The following HRH1 variants were observed in gnomAD, a reference collection of about 807,000 sequenced individuals.
The protein encoded by HRH1 is histamine H1 receptor.
A neutral mutation model predicts 10.3 loss-of-function variants in HRH1; 6 were observed. That is an observed-to-expected ratio of 0.58 (90% CI 0.32 to 1.15). The LOEUF is 1.15. HRH1 is among the 50% of genes most tolerant of loss of function. The probability of loss-of-function intolerance (pLI) is 0.05; values close to 1 mark genes in which losing one functional copy is unlikely to be tolerated. For missense variants in HRH1, 514 were observed against 615.3 expected (o/e 0.84, Z 1.74); for synonymous variants, 242 against 236.7 (o/e 1.02, Z -0.21).
intron 1 of HRH1, among the ~76,000 whole-genome samples, chr3:11,155,270 G>A (rs1936760438): frequency 1.3e-5 from 2 of 152,166 alleles, no homozygotes; most frequent in African/African-American, 4.8e-5. Flanking sequence ...TACCGAGAGA[G>A]GAGGATGCTT....
At chr3:11,227,298 T>A (rs1184137797) in intron 1 of HRH1, among the ~76,000 whole-genome samples, 1 of 151,838 alleles carries the variant, frequency 6.6e-6, no homozygotes, top group Non-Finnish European at 1.5e-5. Context: ...TTTTTTTTTT[T>A]TTTCCTCAGG....
At chr3:11,145,694 A>T (rs933253829) in intron 1 of HRH1, among the ~76,000 whole-genome samples, 6 of 152,148 alleles carry the variant, frequency 3.9e-5, no homozygotes, top group Admixed American at 3.3e-4. Flanking sequence ...CATCCCAAAG[A>T]TCAAAGTATA....
chr3:11,209,704 C>T (rs1158170620), intron 1 of HRH1, among the ~76,000 whole-genome samples: 3 of 152,210 alleles, frequency 2.0e-5, no homozygotes, highest in African/African-American at 4.8e-5. Context: ...GGCCTCTTCT[C>T]GCTTGCAGGT....
intron 1 of HRH1, among the ~76,000 whole-genome samples, chr3:11,148,586 C>T (rs773591789): frequency 2.0e-5 from 3 of 151,660 alleles, no homozygotes; most frequent in South Asian, 2.1e-4. Context: ...AAATGGCTAC[C>T]GAAGCTCCAG....
chr3:11,240,884 A>G (rs1219508039), intron 1 of HRH1, among the ~76,000 whole-genome samples: 1 of 152,228 alleles, frequency 6.6e-6, no homozygotes, highest in East Asian at 1.9e-4. Context: ...TTACTTGACT[A>G]GAATAACCAG....
intron 1 of HRH1, among the ~76,000 whole-genome samples, chr3:11,139,344 A>G (rs1478699883): frequency 6.6e-6 from 1 of 150,592 alleles, no homozygotes; most frequent in African/African-American, 2.5e-5. Flanking sequence ...CAGTGGTGCA[A>G]TCTCGGCTCA....
At chr3:11,192,728 T>C (rs1413870734) in intron 1 of HRH1, among the ~76,000 whole-genome samples, 1 of 152,146 alleles carries the variant, frequency 6.6e-6, no homozygotes, top group Non-Finnish European at 1.5e-5. Context: ...AATAAAATTT[T>C]ACAAAGACCA....
chr3:11,200,436 C>T (rs374534877), intron 1 of HRH1, among the ~76,000 whole-genome samples: 75 of 152,190 alleles, frequency 4.9e-4, no homozygotes, highest in African/African-American at 1.7e-3. Flanking sequence ...GACATGGGCT[C>T]AGCTCTGCCG....
intron 1 of HRH1, among the ~76,000 whole-genome samples, chr3:11,183,227 G>A (rs1937389902): frequency 6.6e-6 from 1 of 152,152 alleles, no homozygotes; most frequent in Non-Finnish European, 1.5e-5. Flanking sequence ...GCTGAGTTTG[G>A]GGGACAAGGA....
At chr3:11,231,309 T>G (rs1299446426) in intron 1 of HRH1, among the ~76,000 whole-genome samples, 1 of 152,242 alleles carries the variant, frequency 6.6e-6, no homozygotes, top group East Asian at 1.9e-4. Context: ...TGTTCAGTTT[T>G]TTTTTCTGGG....
intron 1 of HRH1, among the ~76,000 whole-genome samples, chr3:11,142,867 T>C (rs576953744): frequency 7.5e-4 from 113 of 151,494 alleles, no homozygotes; most frequent in Non-Finnish European, 5.0e-4. Context: ...TGTGCCAAGA[T>C]CACGCCACTG....
chr3:11,224,655 G>A (rs1485991488), intron 1 of HRH1, among the ~76,000 whole-genome samples: 1 of 151,208 alleles, frequency 6.6e-6, no homozygotes, highest in East Asian at 1.9e-4. Context: ...AGCCGAGTAT[G>A]CGCCACTGCA....
chr3:11,250,822 G>A (rs924945278), intron 1 of HRH1, among the ~76,000 whole-genome samples: 5 of 152,204 alleles, frequency 3.3e-5, no homozygotes, highest in African/African-American at 1.2e-4. Flanking sequence ...TGCACGGCAT[G>A]TGGTACTCCC....
At chr3:11,164,513 G>GTGTTGTGTTTTGTTT (rs1936993726) in intron 1 of HRH1, among the ~76,000 whole-genome samples, 1 of 151,396 alleles carries the variant, frequency 6.6e-6, no homozygotes, top group African/African-American at 2.4e-5. Flanking sequence ...GAAATTGATG[G>GTGTTGTGTTTTGTTT]TGTTTTGTTT....
intron 1 of HRH1, among the ~76,000 whole-genome samples, chr3:11,203,365 T>C (rs576181234): frequency 6.6e-6 from 1 of 152,356 alleles, no homozygotes; most frequent in African/African-American, 2.4e-5. Context: ...TTTTGCCTTC[T>C]GGCTTCTCAA....
intron 1 of HRH1, among the ~76,000 whole-genome samples, chr3:11,222,332 T>C (rs766182969): frequency 6.6e-6 from 1 of 152,228 alleles, no homozygotes; most frequent in Non-Finnish European, 1.5e-5. Flanking sequence ...ATGAAAACTA[T>C]GATTATTTTT....
chr3:11,224,391 C>T (rs1457771715), intron 1 of HRH1, among the ~76,000 whole-genome samples: 7 of 152,252 alleles, frequency 4.6e-5, no homozygotes, highest in Non-Finnish European at 7.4e-5. Context: ...TTCCAAATTT[C>T]GGGTTAAGAA....
intron 1 of HRH1, among the ~76,000 whole-genome samples, chr3:11,244,597 A>G (rs1198466375): frequency 6.6e-6 from 1 of 152,200 alleles, no homozygotes. Context: ...CTTTATCTAA[A>G]ACCAACGTTG....
intron 1 of HRH1, among the ~76,000 whole-genome samples, chr3:11,181,663 G>A (rs1485287915): frequency 7.3e-5 from 9 of 123,624 alleles, no homozygotes; most frequent in Admixed American, 3.2e-4. Context: ...ACGGAGTCTC[G>A]CTCCGTCGCC....
Sources: allele counts gnomAD v4.1 joint callset (sites outside exome capture counted in the v4.1 genomes callset), GRCh38; gene constraint gnomAD v4.1.1; transcripts MANE v1.5; gene names NCBI Gene and HGNC (gene_info 2026-07-23, HGNC 2026-07-21).